USP12: variants seen among roughly 807,000 people sequenced by gnomAD.
The protein encoded by USP12 is ubiquitin specific peptidase 12.
Under a neutral mutation model 45.5 loss-of-function variants are expected in USP12, and 19 were observed. That is an observed-to-expected ratio of 0.42 (90% confidence interval 0.29 to 0.61). USP12 has a LOEUF of 0.61. Among genes scored for constraint, USP12 ranks in the 20% least tolerant of loss-of-function variants. The pLI, the probability that USP12 is intolerant of heterozygous loss-of-function variation, is 0.22. For missense variants in USP12, 242 were observed against 447.7 expected (o/e 0.54, Z 4.15); for synonymous variants, 149 against 148.8 (o/e 1.00, Z -0.01).
chr13:27,110,411 A>G (rs1393043936), intron 2 of USP12, among the ~76,000 whole-genome samples: 1 of 152,192 alleles, frequency 6.6e-6, no homozygotes, highest in African/African-American at 2.4e-5. Context: ...CAATCTCCTA[A>G]TTGTCTGAAT....
chr13:27,095,932 A>G, intron 3 of USP12, 102 bp from the exon 4 acceptor site: 1 of 788,862 alleles, frequency 1.3e-6, no homozygotes, highest in Non-Finnish European at 1.9e-6. Flanking sequence ...GAACTAAAAT[A>G]TAAATGCACA....
intron 2 of USP12, among the ~76,000 whole-genome samples, chr13:27,108,722 C>G (rs1342388857): frequency 1.3e-5 from 2 of 152,128 alleles, no homozygotes; most frequent in Non-Finnish European, 2.9e-5. Context: ...TTTGGGAGGC[C>G]AAGGCAGGTG....
intron 3 of USP12, among the ~76,000 whole-genome samples, chr13:27,103,051 T>A (rs1351088966): frequency 6.6e-6 from 1 of 152,198 alleles, no homozygotes. Flanking sequence ...GAAATTAAAA[T>A]CAGTTCTTTC....
intron 1 of USP12, among the ~76,000 whole-genome samples, chr13:27,130,509 C>A (rs1876443813): frequency 6.9e-6 from 1 of 144,210 alleles, no homozygotes; most frequent in East Asian, 2.0e-4. Context: ...CACATTACAA[C>A]ATTCAAACTG....
At chr13:27,130,350 G>A (rs140166336) in intron 1 of USP12, among the ~76,000 whole-genome samples, 7 of 152,200 alleles carry the variant, frequency 4.6e-5, no homozygotes, top group Non-Finnish European at 8.8e-5. Flanking sequence ...GCTGTCCAGA[G>A]ATAGTAAGAC....
chr13:27,117,534 G>C (rs2137798381), intron 1 of USP12, among the ~76,000 whole-genome samples: 1 of 151,698 alleles, frequency 6.6e-6, no homozygotes, highest in Non-Finnish European at 1.5e-5. Context: ...AAATAAACTA[G>C]GTTTACACAC....
At chr13:27,121,192 T>C (rs1294559297) in intron 1 of USP12, among the ~76,000 whole-genome samples, 1 of 152,136 alleles carries the variant, frequency 6.6e-6, no homozygotes, top group Non-Finnish European at 1.5e-5. Context: ...TGACTTGTCC[T>C]TGGCACTTAG....
chr13:27,154,035 A>G (rs1228587736), intron 1 of USP12, among the ~76,000 whole-genome samples: 2 of 151,808 alleles, frequency 1.3e-5, no homozygotes, highest in Non-Finnish European at 2.9e-5. Context: ...ATCTTTAACC[A>G]TTAAAAATCT....
intron 1 of USP12, among the ~76,000 whole-genome samples, chr13:27,160,468 G>C (rs191554171): frequency 1.4e-3 from 216 of 149,366 alleles, no homozygotes; most frequent in African/African-American, 5.1e-3. Flanking sequence ...AAACTAACCA[G>C]TAAACTTTAA....
intron 1 of USP12, among the ~76,000 whole-genome samples, chr13:27,136,502 T>TA (rs1207903953): frequency 2.0e-5 from 3 of 151,698 alleles, no homozygotes; most frequent in African/African-American, 7.3e-5. Flanking sequence ...CCGCCTCAAA[T>TA]AAACAAATAC....
intron 6 of USP12, among the ~76,000 whole-genome samples, chr13:27,080,177 T>C (rs1024387293): frequency 6.6e-6 from 1 of 152,158 alleles, no homozygotes; most frequent in Non-Finnish European, 1.5e-5. Flanking sequence ...AGGCATCAAC[T>C]TCTCAACAGA....
intron 3 of USP12, among the ~76,000 whole-genome samples, chr13:27,097,180 AAGC>A (rs1178673628): frequency 6.6e-6 from 1 of 151,948 alleles, no homozygotes; most frequent in Non-Finnish European, 1.5e-5. Context: ...AAAAAAAAAA[AAGC>A]AGGCCAAGCG....
At chr13:27,151,659 G>A (rs533457371) in intron 1 of USP12, among the ~76,000 whole-genome samples, 2 of 152,216 alleles carry the variant, frequency 1.3e-5, no homozygotes, top group African/African-American at 4.8e-5. Context: ...GCATGCACCT[G>A]TACTCCTAGC....
chr13:27,071,001 C>T (rs998205030), intron 8 of USP12, 70 bp downstream of exon 8: 8 of 1,302,430 alleles, frequency 6.1e-6, no homozygotes, highest in Non-Finnish European at 8.6e-6. Context: ...AAATGAAAAA[C>T]TATGAGAAAA....
At chr13:27,120,934 G>A (rs1338096542) in intron 1 of USP12, among the ~76,000 whole-genome samples, 2 of 152,078 alleles carry the variant, frequency 1.3e-5, no homozygotes, top group African/African-American at 2.4e-5. Flanking sequence ...GGGGAACTAC[G>A]AGAGATAAGC....
At chr13:27,135,067 T>A (rs1354372076) in intron 1 of USP12, among the ~76,000 whole-genome samples, 2 of 152,132 alleles carry the variant, frequency 1.3e-5, no homozygotes, top group Non-Finnish European at 2.9e-5. Context: ...GGCAAATCCC[T>A]TGAGCCCAGA....
chr13:27,164,127 G>A lies in USP12; in HGVS notation c.48+7465C>T, dbSNP rs145212931. 3.2e-3 allele frequency among the ~76,000 whole-genome samples: 479 copies of A among 151,652 alleles called. 2 individuals carry two copies. The highest frequency in any genetic ancestry group is 5.7e-3 in the Non-Finnish European group (390 of 67,934). ...ATCACTAGCATCAGGTAGAGGCTTA[G>A]TAGGTCACTAAAATAAAAAGCACTA... On this transcript the variant is annotated intron_variant, in intron 1 of 8. Transcript: ENST00000282344.
intron 6 of USP12, among the ~76,000 whole-genome samples, chr13:27,078,904 C>G (rs1873617000): frequency 6.6e-6 from 1 of 151,972 alleles, no homozygotes; most frequent in African/African-American, 2.4e-5. Flanking sequence ...ACACATTCTT[C>G]TCAAGTTCAA....
intron 1 of USP12, among the ~76,000 whole-genome samples, chr13:27,152,815 G>A (rs1363165831): frequency 2.6e-5 from 4 of 151,254 alleles, no homozygotes; most frequent in East Asian, 2.0e-4. Context: ...GGTGGCGGGC[G>A]CCTGTAGTCC....
Sources: gnomAD v4.1 joint callset for allele counts (sites outside exome capture counted in the v4.1 genomes callset) on GRCh38, gnomAD v4.1.1 for gene constraint, MANE v1.5 for transcripts, NCBI Gene and HGNC (gene_info 2026-07-23, HGNC 2026-07-21) for gene names.